BCKDHB: variants seen among roughly 807,000 people sequenced by gnomAD.
BCKDHB encodes the protein branched chain keto acid dehydrogenase E1 subunit beta.
BCKDHB carries 41 observed loss-of-function variants against 48.5 expected under a neutral mutation model. The observed-to-expected ratio is 0.85, with a 90% confidence interval of 0.66 to 1.10. BCKDHB has a LOEUF of 1.10. Among genes scored for constraint, BCKDHB ranks in the 50% least tolerant of loss-of-function variants. The pLI is 0.00. For missense variants in BCKDHB, 496 were observed against 494.2 expected, an observed-to-expected ratio of 1.00 and a Z score of -0.03; for synonymous variants, 201 against 174.8, an observed-to-expected ratio of 1.15 and a Z score of -1.18.
intron 3 of BCKDHB, among the ~76,000 whole-genome samples, chr6:80,144,861 A>G (rs1771401690): frequency 6.6e-6 from 1 of 152,148 alleles, no homozygotes; most frequent in Non-Finnish European, 1.5e-5. Context: ...GCAACAGCCA[A>G]GTTACTGCAC....
chr6:80,330,096 T>A (rs1460555914), intron 9 of BCKDHB, among the ~76,000 whole-genome samples: 1 of 112,748 alleles, frequency 8.9e-6, no homozygotes, highest in Non-Finnish European at 1.9e-5. Flanking sequence ...GAGGCTTGTG[T>A]CAAGGTGATC....
the BCKDHB span, among the ~76,000 whole-genome samples, chr6:80,407,124 A>AT: frequency 1.3e-5 from 2 of 152,074 alleles, no homozygotes; most frequent in Non-Finnish European, 2.9e-5. Flanking sequence ...TCCTTTTCCC[A>AT]TTTTTTGTTT....
intron 3 of BCKDHB, among the ~76,000 whole-genome samples, chr6:80,142,361 G>A (rs1321844548): frequency 6.6e-6 from 1 of 151,922 alleles, no homozygotes; most frequent in African/African-American, 2.4e-5. Flanking sequence ...ATCTATTATT[G>A]CTCAGGTTGA....
At chr6:80,151,499 C>T (rs1290800126) in intron 3 of BCKDHB, among the ~76,000 whole-genome samples, 2 of 151,610 alleles carry the variant, frequency 1.3e-5, no homozygotes, top group Non-Finnish European at 2.9e-5. Context: ...TTGGGACCGC[C>T]TGTATGTGGG....
the BCKDHB span, among the ~76,000 whole-genome samples, chr6:80,384,724 G>A: frequency 2.6e-5 from 4 of 151,984 alleles, no homozygotes; most frequent in Admixed American, 2.6e-4. Flanking sequence ...GCCTATTGTG[G>A]GACCTTGTGA....
At chr6:80,384,100 A>T in the BCKDHB span, among the ~76,000 whole-genome samples, 1 of 152,166 alleles carries the variant, frequency 6.6e-6, no homozygotes, top group South Asian at 2.1e-4. Flanking sequence ...TGAAGGATAC[A>T]AACTATTGAT....
At chr6:80,326,271 C>T (rs1769027418) in intron 9 of BCKDHB, among the ~76,000 whole-genome samples, 1 of 152,064 alleles carries the variant, frequency 6.6e-6, no homozygotes, top group Non-Finnish European at 1.5e-5. Flanking sequence ...TATAGCAGAG[C>T]CTGAATGCTA....
chr6:80,390,604 T>A, the BCKDHB span, among the ~76,000 whole-genome samples: 1 of 152,368 alleles, frequency 6.6e-6, no homozygotes, highest in East Asian at 1.9e-4. Context: ...TAACTTTATG[T>A]AATAGCATTT....
chr6:80,454,079 C>G, the BCKDHB span: 1 of 152,168 alleles, frequency 6.6e-6, no homozygotes, highest in Admixed American at 6.5e-5. Context: ...ATACACTCTA[C>G]CTGACCCAAT....
the BCKDHB span, among the ~76,000 whole-genome samples, chr6:80,397,426 A>G: frequency 1.3e-5 from 2 of 152,150 alleles, no homozygotes; most frequent in Non-Finnish European, 2.9e-5. Context: ...TGTGTTTTTC[A>G]AATCCTTCAA....
rs1208185745 is a variant in BCKDHB at position 80,345,727 on chromosome 6, G to A, written c.*1923G>A. 1.3e-5 allele frequency: 2 copies of A among 152,168 alleles called. No homozygotes were observed. The highest frequency in any genetic ancestry group is 1.9e-4 in the East Asian group (1 of 5,200). 9.4% of individuals were successfully genotyped at this position (152,168 alleles called of 1,614,324 possible). ...TTTGTTGTCCATGTGGTTCCCTTCC[G>A]TGGACCAGCCGTAATAAAGAGCCAA... On this transcript the variant is annotated 3_prime_UTR_variant, in exon 10 of 10. Transcript: ENST00000320393.
intron 6 of BCKDHB, among the ~76,000 whole-genome samples, chr6:80,194,315 T>A (rs1357625347): frequency 1.3e-5 from 2 of 152,200 alleles, no homozygotes; most frequent in Non-Finnish European, 2.9e-5. Flanking sequence ...TATGTACCTT[T>A]CACTCAGCAT....
At chr6:80,374,151 A>G in the BCKDHB span, 1 of 714,830 alleles carries the variant, frequency 1.4e-6, no homozygotes, top group South Asian at 1.3e-5. Flanking sequence ...GGGAGAGCTC[A>G]TGTATGGGTT....
At chr6:80,132,903 C>G (rs1439381388) in intron 3 of BCKDHB, among the ~76,000 whole-genome samples, 1 of 151,976 alleles carries the variant, frequency 6.6e-6, no homozygotes, top group Non-Finnish European at 1.5e-5. Flanking sequence ...AATTATCTGC[C>G]CTTTTGAATA....
At chr6:80,288,192 C>T (rs140276250) in intron 9 of BCKDHB, among the ~76,000 whole-genome samples, 46 of 151,422 alleles carry the variant, frequency 3.0e-4, no homozygotes, top group African/African-American at 1.0e-3. Flanking sequence ...TTTAGCTGCT[C>T]GAGTAAGTGA....
At chr6:80,330,917 G>A (rs1769292733) in intron 9 of BCKDHB, among the ~76,000 whole-genome samples, 1 of 151,970 alleles carries the variant, frequency 6.6e-6, no homozygotes, top group Non-Finnish European at 1.5e-5. Flanking sequence ...ACCTTGTTTT[G>A]AAACTGAAGT....
the BCKDHB span, among the ~76,000 whole-genome samples, chr6:80,374,814 T>A: frequency 6.6e-6 from 1 of 152,128 alleles, no homozygotes; most frequent in Non-Finnish European, 1.5e-5. Flanking sequence ...ATTTAGAACT[T>A]TTTTTTAGCA....
chr6:80,155,384 A>G (rs761704873), intron 3 of BCKDHB, among the ~76,000 whole-genome samples: 13 of 152,152 alleles, frequency 8.5e-5, no homozygotes, highest in Non-Finnish European at 1.0e-4. Context: ...GTAGTTTGCA[A>G]GAGACAATGT....
chr6:80,201,080 C>G, intron 7 of BCKDHB, 49 bp downstream of exon 7: 1 of 1,447,416 alleles, frequency 6.9e-7, no homozygotes, highest in Non-Finnish European at 9.7e-7. Flanking sequence ...TGCTTGGAAG[C>G]TCTCATTTTA....
Sources: allele counts gnomAD v4.1 joint callset (sites outside exome capture counted in the v4.1 genomes callset), GRCh38; gene constraint gnomAD v4.1.1; transcripts MANE v1.5; gene names NCBI Gene and HGNC (gene_info 2026-07-23, HGNC 2026-07-21).